The following MYO3B variants were observed in gnomAD, a reference collection of about 807,000 sequenced individuals.
MYO3B encodes the protein myosin-IIIb.
A neutral mutation model predicts 174.6 loss-of-function variants in MYO3B; 156 were observed. The observed-to-expected ratio is 0.89, with a 90% CI of 0.78 to 1.02. The LOEUF (loss-of-function observed/expected upper bound fraction) is 1.02. Ranked by LOEUF, MYO3B falls within the 50% of genes least tolerant of loss-of-function variation. The probability of loss-of-function intolerance (pLI) is 0.00; values close to 1 mark genes in which losing one functional copy is unlikely to be tolerated. For missense variants in MYO3B, 1,632 were observed against 1,639.4 expected, an observed-to-expected ratio of 1.00 and a Z score of 0.08; for synonymous variants, 563 against 569.1, an observed-to-expected ratio of 0.99 and a Z score of 0.15.
At chr2:170,527,365 G>A (rs2106161305) in intron 30 of MYO3B, among the ~76,000 whole-genome samples, 1 of 152,350 alleles carries the variant, frequency 6.6e-6, no homozygotes, top group South Asian at 2.1e-4. Flanking sequence ...TAGTGTTTGG[G>A]TAGAATATAG....
chr2:170,369,452 G>A (rs1396429611), intron 9 of MYO3B, 75 bp downstream of exon 9: 1 of 1,465,182 alleles, frequency 6.8e-7, no homozygotes, highest in African/African-American at 1.4e-5. Context: ...GATTTGCCCA[G>A]CATTATTACT....
At chr2:170,432,449 T>C (rs1316344638) in intron 22 of MYO3B, among the ~76,000 whole-genome samples, 1 of 152,086 alleles carries the variant, frequency 6.6e-6, no homozygotes, top group Non-Finnish European at 1.5e-5. Context: ...AAAATATTTT[T>C]GTACATCTTA....
At chr2:170,503,311 G>A (rs1489781156) in intron 28 of MYO3B, among the ~76,000 whole-genome samples, 1 of 152,188 alleles carries the variant, frequency 6.6e-6, no homozygotes, top group African/African-American at 2.4e-5. Context: ...GAATACTGCT[G>A]TAAAACAGAA....
intron 22 of MYO3B, among the ~76,000 whole-genome samples, chr2:170,443,384 G>T (rs1026638448): frequency 5.3e-5 from 8 of 152,176 alleles, no homozygotes; most frequent in African/African-American, 1.9e-4. Context: ...ATAGATTCTG[G>T]ATATTAGCCC....
At chr2:170,259,402 A>C (rs1236270812) in intron 7 of MYO3B, among the ~76,000 whole-genome samples, 2 of 152,174 alleles carry the variant, frequency 1.3e-5, no homozygotes, top group Non-Finnish European at 2.9e-5. Flanking sequence ...ACCCAGAAAT[A>C]AAGCCACTAT....
intron 7 of MYO3B, among the ~76,000 whole-genome samples, chr2:170,322,009 G>T (rs2093831090): frequency 6.6e-6 from 1 of 151,848 alleles, no homozygotes; most frequent in African/African-American, 2.4e-5. Context: ...AGGTACTCAG[G>T]AGGCTGAGGC....
chr2:170,524,475 T>G (rs1688876763), intron 30 of MYO3B: 1 of 445,016 alleles, frequency 2.2e-6, no homozygotes, highest in Non-Finnish European at 4.5e-6. Context: ...CTGGGCACTG[T>G]GCTAAGTGGT....
chr2:170,564,673 A>G (rs74484412), intron 32 of MYO3B, among the ~76,000 whole-genome samples: 1 of 152,190 alleles, frequency 6.6e-6, no homozygotes, highest in Non-Finnish European at 1.5e-5. Context: ...GAGAGCATTG[A>G]AAAAATGTTT....
Position 170,299,917 on chromosome 2 carries a change from C to G in MYO3B, c.750-35468C>G, listed in dbSNP as rs76667507. Among the ~76,000 whole-genome samples the G allele has an allele frequency of 1.8e-3, 270 of 152,170 alleles. 3 individuals carry two copies. The highest frequency in any genetic ancestry group is 6.2e-3 in the African/African-American group (258 of 41,510). The stretch of plus-strand genomic sequence containing the variant: ...CATTTTCCAAGTATTAGAAAGCATT[C>G]ATGTTTACATTGTTGGAATGAGATT... On this transcript the variant is annotated intron_variant, in intron 7 of 34. Coordinates refer to ENST00000408978, the MANE Select transcript of MYO3B (RefSeq NM_138995.5).
chr2:170,391,720 A>G, intron 15 of MYO3B, 102 bp downstream of exon 15: 1 of 703,964 alleles, frequency 1.4e-6, no homozygotes, highest in Non-Finnish European at 2.4e-6. Context: ...GGAAACTCAC[A>G]GTCTATTTAA....
chr2:170,552,338 C>A (rs757595560), intron 32 of MYO3B, among the ~76,000 whole-genome samples: 1 of 152,142 alleles, frequency 6.6e-6, no homozygotes, highest in Non-Finnish European at 1.5e-5. Flanking sequence ...CAGTGAAGTC[C>A]AGGCTGAGGT....
chr2:170,430,366 C>G (rs1329673352), intron 22 of MYO3B, among the ~76,000 whole-genome samples: 1 of 140,246 alleles, frequency 7.1e-6, no homozygotes, highest in African/African-American at 2.7e-5. Context: ...ATTTTTTTTT[C>G]TGGATAGCTT....
chr2:170,287,470 C>A (rs2093565012), intron 7 of MYO3B, among the ~76,000 whole-genome samples: 1 of 151,720 alleles, frequency 6.6e-6, no homozygotes, highest in Non-Finnish European at 1.5e-5. Flanking sequence ...ATTTGCATTT[C>A]CCTGTTGATT....
intron 6 of MYO3B, among the ~76,000 whole-genome samples, chr2:170,230,982 GAA>G (rs1426915520): frequency 6.6e-6 from 1 of 152,208 alleles, no homozygotes; most frequent in Non-Finnish European, 1.5e-5. Context: ...AGTCAGAGGT[GAA>G]AGTCTCTTCG....
At chr2:170,582,893 A>G (rs1467024395) in intron 32 of MYO3B, among the ~76,000 whole-genome samples, 2 of 152,066 alleles carry the variant, frequency 1.3e-5, no homozygotes, top group South Asian at 2.1e-4. Flanking sequence ...CTGGAGGTCA[A>G]CAGATCCTTT....
intron 6 of MYO3B, among the ~76,000 whole-genome samples, chr2:170,223,937 G>A (rs1458526882): frequency 1.3e-5 from 2 of 152,272 alleles, no homozygotes; most frequent in African/African-American, 4.8e-5. Flanking sequence ...ATGGTAAATG[G>A]CTGCCATCCA....
intron 32 of MYO3B, among the ~76,000 whole-genome samples, chr2:170,624,378 G>A (rs958630109): frequency 2.1e-4 from 32 of 151,832 alleles, no homozygotes; most frequent in African/African-American, 7.3e-4. Flanking sequence ...TCTGTTATTG[G>A]TGTATAAGAC....
intron 25 of MYO3B, among the ~76,000 whole-genome samples, chr2:170,476,994 C>T (rs920737246): frequency 2.0e-5 from 3 of 152,100 alleles, no homozygotes; most frequent in African/African-American, 4.8e-5. Flanking sequence ...TCTAAGGAAC[C>T]GGATATGTCA....
intron 7 of MYO3B, among the ~76,000 whole-genome samples, chr2:170,259,636 C>T (rs1559341462): frequency 6.6e-6 from 1 of 152,086 alleles, no homozygotes; most frequent in Admixed American, 6.5e-5. Flanking sequence ...TGGACATTGG[C>T]CTTGGCAAAG....
Sources: allele counts gnomAD v4.1 joint callset (sites outside exome capture counted in the v4.1 genomes callset), GRCh38; gene constraint gnomAD v4.1.1; transcripts MANE v1.5; gene names NCBI Gene and HGNC (gene_info 2026-07-23, HGNC 2026-07-21).